NRXN3: variants seen among roughly 807,000 people sequenced by gnomAD.
The protein encoded by NRXN3 is neurexin 3, also known as neurexin III.
A neutral mutation model predicts 137.6 loss-of-function variants in NRXN3; 32 were observed. The observed-to-expected ratio is 0.23, with a 90% CI of 0.18 to 0.31. NRXN3 has a LOEUF of 0.31. Ranked by LOEUF, NRXN3 falls within the 10% of genes least tolerant of loss-of-function variation. The probability of loss-of-function intolerance (pLI) is 1.00; values close to 1 mark genes in which losing one functional copy is unlikely to be tolerated. For missense variants in NRXN3, 1,574 were observed against 2,062.5 expected (o/e 0.76, Z 4.59); for synonymous variants, 798 against 784.5 (o/e 1.02, Z -0.29).
intron 8 of NRXN3, among the ~76,000 whole-genome samples, chr14:78,757,566 G>A (rs2098674757): frequency 6.6e-6 from 1 of 152,152 alleles, no homozygotes; most frequent in South Asian, 2.1e-4. Flanking sequence ...CTCAGGAAAG[G>A]CATGGTGTAT....
chr14:79,171,233 G>A (rs961368406), intron 15 of NRXN3, among the ~76,000 whole-genome samples: 1 of 152,050 alleles, frequency 6.6e-6, no homozygotes, highest in Non-Finnish European at 1.5e-5. Flanking sequence ...ATGAAGAAGG[G>A]CAAGTAGAAG....
At chr14:79,388,935 G>A (rs2094743387) in intron 15 of NRXN3, among the ~76,000 whole-genome samples, 1 of 152,106 alleles carries the variant, frequency 6.6e-6, no homozygotes. Context: ...CCTTGCACAT[G>A]CTCTCTTGCC....
At position 79,768,267 on chromosome 14, in the gene NRXN3, C is replaced by A. The variant is rs1421771295; in HGVS notation, c.4015-36845C>A. On this transcript the variant is annotated intron_variant, in intron 19 of 20. Coordinates refer to ENST00000335750, the MANE Select transcript of NRXN3 (RefSeq NM_001330195.2). ...CAGGAAGCTCCAACTGGGTGGAGCCCACCACAGCTCAAGGAGGCCTGCCTG... is the reference window on the plus strand; with the variant it reads ...CAGGAAGCTCCAACTGGGTGGAGCCAACCACAGCTCAAGGAGGCCTGCCTG... 2.6e-5 allele frequency among the ~76,000 whole-genome samples: 4 copies of A among 152,316 alleles called. No individual in the cohort carries two copies. The South Asian group carries it at 6.2e-4, about 24-fold the overall frequency.
intron 20 of NRXN3, among the ~76,000 whole-genome samples, chr14:79,829,988 G>A (rs981234959): frequency 6.6e-6 from 1 of 152,204 alleles, no homozygotes; most frequent in African/African-American, 2.4e-5. Context: ...CACACTTGGA[G>A]CATTTGAAAG....
intron 4 of NRXN3, among the ~76,000 whole-genome samples, chr14:78,378,540 A>G (rs1163744574): frequency 6.6e-6 from 1 of 152,166 alleles, no homozygotes; most frequent in Non-Finnish European, 1.5e-5. Flanking sequence ...GTAACATATT[A>G]AAATTTGTGA....
At chr14:78,685,055 G>T (rs567832589) in intron 6 of NRXN3, among the ~76,000 whole-genome samples, 1 of 152,250 alleles carries the variant, frequency 6.6e-6, no homozygotes, top group East Asian at 1.9e-4. Context: ...TAAATCAAGG[G>T]TTATAATGCA....
At chr14:79,717,046 A>G (rs2098826072) in intron 19 of NRXN3, among the ~76,000 whole-genome samples, 1 of 152,178 alleles carries the variant, frequency 6.6e-6, no homozygotes, top group African/African-American at 2.4e-5. Context: ...TCAGAAGACA[A>G]GGCTCTTTTT....
intron 19 of NRXN3, among the ~76,000 whole-genome samples, chr14:79,721,587 G>GA (rs1223254863): frequency 2.0e-5 from 3 of 152,028 alleles, no homozygotes; most frequent in Non-Finnish European, 4.4e-5. Context: ...AATGACTTCG[G>GA]AAAAAAGATT....
intron 15 of NRXN3, among the ~76,000 whole-genome samples, chr14:79,109,141 T>G (rs2053016792): frequency 6.6e-6 from 1 of 152,210 alleles, no homozygotes; most frequent in African/African-American, 2.4e-5. Context: ...AGTTGGTTGC[T>G]TATTTCCTGA....
chr14:79,780,951 T>G (rs191735636), intron 19 of NRXN3, among the ~76,000 whole-genome samples: 90 of 152,298 alleles, frequency 5.9e-4, no homozygotes, highest in African/African-American at 2.1e-3. Context: ...AATATTTCTT[T>G]TAGCAAATCT....
intron 15 of NRXN3, among the ~76,000 whole-genome samples, chr14:79,189,611 T>C (rs1027535815): frequency 6.6e-5 from 10 of 152,104 alleles, no homozygotes; most frequent in Non-Finnish European, 1.5e-4. Context: ...CAACACAAAG[T>C]TCAAGTCGTC....
intron 14 of NRXN3, 60 bp downstream of exon 14, chr14:78,968,406 C>A: frequency 6.6e-7 from 1 of 1,511,858 alleles, no homozygotes; most frequent in Non-Finnish European, 9.1e-7. Context: ...AGCCTCTTTG[C>A]TGCCTCTGCC....
intron 20 of NRXN3, among the ~76,000 whole-genome samples, chr14:79,845,551 G>A (rs184422240): frequency 6.2e-4 from 92 of 149,358 alleles, no homozygotes; most frequent in Non-Finnish European, 1.2e-3. Context: ...AGAGAGACAA[G>A]GATAGACAGA....
chr14:78,926,980 AT>A (rs1221967220), intron 10 of NRXN3, among the ~76,000 whole-genome samples: 1 of 56,252 alleles, frequency 1.8e-5, no homozygotes, highest in Non-Finnish European at 2.8e-5. Flanking sequence ...TATATAATAT[AT>A]TTTTATATAT....
intron 15 of NRXN3, among the ~76,000 whole-genome samples, chr14:79,225,008 A>G (rs2070564079): frequency 6.6e-6 from 1 of 152,168 alleles, no homozygotes; most frequent in Admixed American, 6.5e-5. Context: ...ACAGGAGTCA[A>G]GGAGGCTGCT....
intron 8 of NRXN3, among the ~76,000 whole-genome samples, chr14:78,729,275 A>G (rs1289123434): frequency 6.6e-6 from 1 of 152,206 alleles, no homozygotes; most frequent in Non-Finnish European, 1.5e-5. Context: ...TTTTTCACCC[A>G]GTCTATCAGA....
intron 20 of NRXN3, among the ~76,000 whole-genome samples, chr14:79,815,949 A>G (rs1482284314): frequency 6.6e-6 from 1 of 152,162 alleles, no homozygotes; most frequent in African/African-American, 2.4e-5. Flanking sequence ...TTATATATAT[A>G]TTAACTTTTG....
intron 2 of NRXN3, among the ~76,000 whole-genome samples, chr14:78,275,820 G>A (rs916254601): frequency 2.0e-5 from 3 of 152,150 alleles, no homozygotes; most frequent in Non-Finnish European, 4.4e-5. Context: ...AAACAGCTGA[G>A]GACTGCTACA....
intron 15 of NRXN3, among the ~76,000 whole-genome samples, chr14:79,045,064 G>A (rs771873284): frequency 8.5e-5 from 13 of 152,088 alleles, no homozygotes; most frequent in South Asian, 2.1e-4. Context: ...CTTTCTCTTG[G>A]CCAGAGTTTA....
Sources: allele counts gnomAD v4.1 joint callset (sites outside exome capture counted in the v4.1 genomes callset), GRCh38; gene constraint gnomAD v4.1.1; transcripts MANE v1.5; gene names NCBI Gene and HGNC (gene_info 2026-07-23, HGNC 2026-07-21).